ZNF596: variants seen among roughly 807,000 people sequenced by gnomAD.
The protein encoded by ZNF596 is zinc finger protein 596.
Under a neutral mutation model 48.3 loss-of-function variants are expected in ZNF596, and 45 were observed. The ratio of observed to expected loss-of-function variants is 0.93; its 90% CI spans 0.73 to 1.19. The LOEUF (loss-of-function observed/expected upper bound fraction) is 1.19. Among genes scored for constraint, ZNF596 ranks in the 50% most tolerant of loss-of-function variants. ZNF596 has a pLI of 0.00. For missense variants in ZNF596, 848 were observed against 599.7 expected, an observed-to-expected ratio of 1.41 and a Z score of -4.32; for synonymous variants, 270 against 202.0, an observed-to-expected ratio of 1.34 and a Z score of -2.85.
chr8:234,254 A>G (rs1426101667), intron 1 of ZNF596: 1 of 152,236 alleles, frequency 6.6e-6, no homozygotes, highest in Non-Finnish European at 1.5e-5. Context: ...GGGTCAGACC[A>G]GTTGATATAC....
At chr8:242,149 C>T (rs908048800) in intron 2 of ZNF596, among the ~76,000 whole-genome samples, 5 of 152,130 alleles carry the variant, frequency 3.3e-5, no homozygotes, top group Admixed American at 2.0e-4. Flanking sequence ...ATCCTCAGAC[C>T]ATGGAAAGTG....
intron 5 of ZNF596, 22 bp downstream of exon 5, chr8:244,723 C>G: frequency 6.3e-7 from 1 of 1,588,356 alleles, no homozygotes; most frequent in South Asian, 1.1e-5. Context: ...GGATGCAAAC[C>G]CTGTTCTTAC....
intron 1 of ZNF596, among the ~76,000 whole-genome samples, chr8:238,656 AATT>A (rs1302610732): frequency 1.4e-5 from 2 of 146,894 alleles, no homozygotes; most frequent in Non-Finnish European, 3.0e-5. Context: ...AAAAAAAAAA[AATT>A]AGCTGGTCGT....
Position 245,770 on chromosome 8 carries a change from G to A in ZNF596, c.923G>A (p.Gly308Glu). The A allele has an allele frequency of 6.2e-7, 1 of 1,613,338 alleles. No homozygotes were observed. Among genetic ancestry groups the A allele is most frequent in the Non-Finnish European group, 8.5e-7 (1 of 1,179,794 alleles). The change falls in exon 6 of 6, where the codon GGA (glycine) becomes GAA (glutamate). Residue 308 changes from glycine (G) to glutamate (E), a missense_variant. Gly to Glu is a moderately conservative substitution (Grantham distance 98, BLOSUM62 -2). Coordinates refer to ENST00000398612, the MANE Select transcript of ZNF596 (RefSeq NM_001042416.3). ...ACTCACTTAGGAGATAAACCATATG[G>A]ATGTCTCCTATGTGGGAAGGCTTTC... ...ERTHLGDKPYGCLLCGKAFSK... is the reference protein window; with the variant it reads ...ERTHLGDKPYECLLCGKAFSK...
At position 245,139 on chromosome 8, in the gene ZNF596, C is replaced by T; in HGVS notation, c.307-15C>T. On this transcript the variant is annotated splice_polypyrimidine_tract_variant and intron_variant, in intron 5 of 5. Coordinates refer to ENST00000398612, the MANE Select transcript of ZNF596 (RefSeq NM_001042416.3). ...ATAAACCTTTAATAGTCTTTCATTT[C>T]ATTCCCAAAACCAGAGATCTCATAC... 3 of 1,553,984 alleles carry T rather than the reference C, an allele frequency of 1.9e-6. No individual in the cohort carries two copies. The South Asian group carries it at 3.7e-5, about 19-fold the overall frequency.
chr8:243,441 C>T, intron 3 of ZNF596: 1 of 350,296 alleles, frequency 2.9e-6, no homozygotes, highest in Non-Finnish European at 5.2e-6. Flanking sequence ...AATACTATGA[C>T]AATTTGTAAT....
chr8:246,544 A>G lies in ZNF596; in HGVS notation c.*182A>G, dbSNP rs971316178. The G allele has an allele frequency of 1.5e-6, 1 of 676,356 alleles. No homozygotes were observed. Among genetic ancestry groups the G allele is most frequent in the Non-Finnish European group, 2.3e-6 (1 of 429,044 alleles). 41.9% of individuals were successfully genotyped at this position (676,356 alleles called of 1,614,324 possible). On this transcript the variant is annotated 3_prime_UTR_variant, in exon 6 of 6. Transcript: ENST00000398612. ...GTTTATGGCACAAACTTCAGACTCT[A>G]GGCTGACCATATACAACGTGAGAGA...
At chr8:234,119 T>G (rs192526947) in intron 1 of ZNF596, among the ~76,000 whole-genome samples, 5 of 152,306 alleles carry the variant, frequency 3.3e-5, no homozygotes, top group African/African-American at 1.2e-4. Flanking sequence ...ATTTGGGTAT[T>G]CAGGATCCAG....
chr8:238,882 A>G (rs12114531), intron 1 of ZNF596, among the ~76,000 whole-genome samples: 2,518 of 137,610 alleles, frequency 0.018, 57 homozygotes, highest in African/African-American at 0.067. Context: ...AAGGAGGTCA[A>G]TGAGCTATGA....
At chr8:236,215 G>C (rs1796607429) in intron 1 of ZNF596, among the ~76,000 whole-genome samples, 1 of 152,038 alleles carries the variant, frequency 6.6e-6, no homozygotes, top group Non-Finnish European at 1.5e-5. Context: ...TTGTGTGTTT[G>C]CTTTTTTTAA....
At chr8:242,227 C>A (rs1796880424) in intron 2 of ZNF596, among the ~76,000 whole-genome samples, 1 of 151,792 alleles carries the variant, frequency 6.6e-6, no homozygotes, top group Non-Finnish European at 1.5e-5. Context: ...AGCCATTCAT[C>A]CTTATCCATT....
chr8:236,660 A>AT (rs1796627702), intron 1 of ZNF596, among the ~76,000 whole-genome samples: 1 of 152,136 alleles, frequency 6.6e-6, no homozygotes, highest in African/African-American at 2.4e-5. Context: ...TATTAATGTG[A>AT]TTTTTTTAAT....
chr8:244,751 T>A, intron 5 of ZNF596, 50 bp downstream of exon 5: 1 of 1,493,860 alleles, frequency 6.7e-7, no homozygotes, highest in Non-Finnish European at 9.2e-7. Flanking sequence ...AACCTGGACA[T>A]TAAACAACTT....
At chr8:244,452 G>A (rs943807928) in intron 4 of ZNF596, 167 bp from the exon 5 acceptor site, 1 of 592,826 alleles carries the variant, frequency 1.7e-6, no homozygotes, top group South Asian at 2.2e-5. Context: ...TGCTGAAAAT[G>A]TCAGTAGTCA....
At chr8:244,845 C>A (rs1001534906) in intron 5 of ZNF596, 144 bp downstream of exon 5, 6 of 720,982 alleles carry the variant, frequency 8.3e-6, no homozygotes, top group Non-Finnish European at 1.4e-5. Flanking sequence ...ACGTTAACTT[C>A]AAATCAAAAC....
chr8:234,052 C>G (rs3008279), intron 1 of ZNF596, among the ~76,000 whole-genome samples: 90,207 of 151,954 alleles, frequency 0.59, 27,353 homozygotes, highest in African/African-American at 0.72. Context: ...AGTAAGCACA[C>G]AACAAAGGTA....
In ZNF596 at chr8:245,558, T is replaced by G. The variant is rs1410021524; in HGVS notation, c.711T>G (p.Asp237Glu). 6.2e-7 allele frequency: 1 copy of G among 1,612,480 alleles called. No homozygotes were observed. The change falls in exon 6 of 6, where the codon GAT becomes GAG. Residue 237 changes from aspartate to glutamate, a missense_variant. Physicochemically the swap from Asp to Glu is conservative, Grantham distance 45 (BLOSUM62 2). Transcript: ENST00000398612. Reference protein sequence around the residue: ...LCGKAFTHCSDLRKHERTHTG... With the variant: ...LCGKAFTHCSELRKHERTHTG... ...GGAAAGCCTTTACTCATTGCTCTGA[T>G]CTTCGAAAACATGAGAGAACTCACA...
Position 242,901 on chromosome 8 carries a change from C to G in ZNF596, c.27C>G (p.Phe9Leu), listed in dbSNP as rs761073316. The change falls in exon 3 of 6, where the codon TTC (phenylalanine) becomes TTG (leucine). Residue 9 changes from phenylalanine to leucine, a missense_variant. Phe to Leu is a conservative substitution (Grantham distance 22, BLOSUM62 0). Coordinates refer to ENST00000398612, the MANE Select transcript of ZNF596 (RefSeq NM_001042416.3). MPSPDSMTFEDIIVDFTQE... is the reference protein window; with the variant it reads MPSPDSMTLEDIIVDFTQE... ...TAATGTTTTAGGATTCCATGACCTT[C>G]GAGGATATCATTGTAGACTTCACTC... is the stretch of plus-strand genomic sequence containing the variant. 1 of 1,573,580 alleles carries G rather than the reference C, an allele frequency of 6.4e-7. No individual in the cohort carries two copies. Among genetic ancestry groups the G allele is most frequent in the Non-Finnish European group, 8.7e-7 (1 of 1,152,862 alleles).
chr8:241,775 G>T (rs959672952), intron 2 of ZNF596, among the ~76,000 whole-genome samples: 24 of 152,114 alleles, frequency 1.6e-4, no homozygotes, highest in African/African-American at 5.8e-4. Flanking sequence ...CCTGATAGTG[G>T]GTAATTTATG....
Sources: gnomAD v4.1 joint callset for allele counts (sites outside exome capture counted in the v4.1 genomes callset) on GRCh38, gnomAD v4.1.1 for gene constraint, MANE v1.5 for transcripts, NCBI Gene and HGNC (gene_info 2026-07-23, HGNC 2026-07-21) for gene names.